Variants in CCDC102B observed in about 807,000 individuals in gnomAD.
CCDC102B encodes coiled-coil domain containing 102B.
CCDC102B carries 75 observed loss-of-function variants against 57.4 expected under a neutral mutation model. The observed-to-expected ratio is 1.31, with a 90% CI of 1.08 to 1.58. The LOEUF (loss-of-function observed/expected upper bound fraction) is 1.58. CCDC102B is among the 40% of genes most tolerant of loss of function. The pLI, the probability that CCDC102B is intolerant of heterozygous loss-of-function variation, is 0.00. For missense variants in CCDC102B, 636 were observed against 582.6 expected (o/e 1.09, Z -0.94); for synonymous variants, 206 against 201.9 (o/e 1.02, Z -0.17).
chr18:68,884,216 C>T (rs138262689), intron 5 of CCDC102B, among the ~76,000 whole-genome samples: 5 of 152,198 alleles, frequency 3.3e-5, no homozygotes, highest in African/African-American at 9.6e-5. Context: ...AGCACTCCCA[C>T]GGTCATTGCA....
chr18:68,874,159 A>AGT (rs2039341510), intron 4 of CCDC102B, among the ~76,000 whole-genome samples: 1 of 124,194 alleles, frequency 8.1e-6, no homozygotes, highest in African/African-American at 3.0e-5. Flanking sequence ...CAGCCCAAGC[A>AGT]GTGTGTGTGT....
intron 1 of CCDC102B, among the ~76,000 whole-genome samples, chr18:68,799,565 C>A (rs974979897): frequency 6.6e-6 from 1 of 152,044 alleles, no homozygotes; most frequent in African/African-American, 2.4e-5. Context: ...TATTACAAGA[C>A]CAATTGAATT....
intron 1 of CCDC102B, chr18:68,823,320 T>G (rs1772002315): frequency 6.6e-6 from 1 of 152,266 alleles, no homozygotes; most frequent in Non-Finnish European, 1.5e-5. Context: ...AGTAAATCTG[T>G]GCTTTCATTG....
intron 3 of CCDC102B, among the ~76,000 whole-genome samples, chr18:68,844,814 G>T (rs1395702115): frequency 4.0e-5 from 6 of 151,684 alleles, no homozygotes; most frequent in African/African-American, 9.7e-5. Context: ...AAGCAACTTG[G>T]GTGTCCTCAG....
chr18:68,825,087 G>C (rs753447693), intron 1 of CCDC102B, among the ~76,000 whole-genome samples: 4 of 152,026 alleles, frequency 2.6e-5, no homozygotes, highest in Non-Finnish European at 5.9e-5. Context: ...ATGCCAAATA[G>C]TTCAGTTTAT....
At chr18:68,823,784 G>T (rs1215855325) in intron 1 of CCDC102B, among the ~76,000 whole-genome samples, 1 of 152,000 alleles carries the variant, frequency 6.6e-6, no homozygotes, top group Non-Finnish European at 1.5e-5. Context: ...TTGTGGTTTC[G>T]ATTTGTATTT....
At chr18:68,908,335 A>C (rs2040717945) in intron 6 of CCDC102B, 1 of 152,160 alleles carries the variant, frequency 6.6e-6, no homozygotes, top group South Asian at 2.1e-4. Context: ...TGCCATATTT[A>C]AGTTGTCTGT....
At chr18:68,987,509 A>G (rs2145312725) in intron 6 of CCDC102B, among the ~76,000 whole-genome samples, 1 of 152,244 alleles carries the variant, frequency 6.6e-6, no homozygotes, top group African/African-American at 2.4e-5. Context: ...CAGGATTTTT[A>G]GCTAAGTCCC....
chr18:68,776,259 A>G (rs1207805674), intron 2 of CCDC102B, among the ~76,000 whole-genome samples: 1 of 152,204 alleles, frequency 6.6e-6, no homozygotes, highest in Non-Finnish European at 1.5e-5. Context: ...AATTTCAATC[A>G]TTTAGTTTTT....
At chr18:68,915,008 A>C (rs1443860822) in intron 6 of CCDC102B, among the ~76,000 whole-genome samples, 1 of 151,674 alleles carries the variant, frequency 6.6e-6, no homozygotes, top group Non-Finnish European at 1.5e-5. Context: ...AGACAGAAAG[A>C]GAGAGAGAGA....
intron 6 of CCDC102B, among the ~76,000 whole-genome samples, chr18:68,919,492 A>G (rs1283508218): frequency 1.3e-5 from 2 of 152,172 alleles, no homozygotes; most frequent in African/African-American, 4.8e-5. Context: ...TTTTGTTGGA[A>G]ATTCAGAAGC....
upstream of CCDC102B, among the ~76,000 whole-genome samples, chr18:68,797,056 TG>T (rs2035654320): frequency 6.6e-6 from 1 of 152,002 alleles, no homozygotes; most frequent in Non-Finnish European, 1.5e-5. Context: ...TAACATCACG[TG>T]GGGAAAATCC....
At chr18:69,009,223 AT>A (rs1249161620) in intron 6 of CCDC102B, among the ~76,000 whole-genome samples, 1 of 152,118 alleles carries the variant, frequency 6.6e-6, no homozygotes, top group East Asian at 1.9e-4. Context: ...AGACATCTTG[AT>A]TTTTTTAATT....
chr18:68,999,015 G>A (rs1432948171), intron 6 of CCDC102B, among the ~76,000 whole-genome samples: 1 of 147,758 alleles, frequency 6.8e-6, no homozygotes, highest in African/African-American at 2.5e-5. Flanking sequence ...GAGAGAGAGA[G>A]AGAGAGAGAG....
chr18:68,757,182 C>G (rs182390294), intron 2 of CCDC102B, among the ~76,000 whole-genome samples: 38 of 152,210 alleles, frequency 2.5e-4, no homozygotes, highest in Non-Finnish European at 4.0e-4. Flanking sequence ...TTATCCCTGA[C>G]ATTTTAAAGA....
At chr18:68,751,519 T>C (rs2145246675) in intron 2 of CCDC102B, among the ~76,000 whole-genome samples, 1 of 152,148 alleles carries the variant, frequency 6.6e-6, no homozygotes, top group Middle Eastern at 3.4e-3. Context: ...CCTGAATAGA[T>C]AGCAAAAAGG....
chr18:69,041,959 CT>C (rs1046304497), intron 7 of CCDC102B, among the ~76,000 whole-genome samples: 1 of 151,824 alleles, frequency 6.6e-6, no homozygotes, highest in African/African-American at 2.4e-5. Flanking sequence ...TTTGTTGTTG[CT>C]TTTTTTCTCT....
At chr18:68,962,882 A>G (rs574253287) in intron 6 of CCDC102B, among the ~76,000 whole-genome samples, 3 of 152,070 alleles carry the variant, frequency 2.0e-5, no homozygotes, top group Non-Finnish European at 4.4e-5. Flanking sequence ...TTTTTCCCTG[A>G]ATCAAATGCA....
At chr18:68,832,777 C>T (rs939794423) in intron 1 of CCDC102B, among the ~76,000 whole-genome samples, 6 of 151,762 alleles carry the variant, frequency 4.0e-5, no homozygotes, top group South Asian at 2.1e-4. Context: ...AGAGAGTCTG[C>T]GGAGAGTGGG....
Sources: allele counts gnomAD v4.1 joint callset (sites outside exome capture counted in the v4.1 genomes callset), GRCh38; gene constraint gnomAD v4.1.1; transcripts MANE v1.5; gene names NCBI Gene and HGNC (gene_info 2026-07-23, HGNC 2026-07-21).